TRIO: variants seen among roughly 807,000 people sequenced by gnomAD.
TRIO encodes the protein trio Rho guanine nucleotide exchange factor.
TRIO carries 58 observed loss-of-function variants against 351.9 expected under a neutral mutation model. The ratio of observed to expected loss-of-function variants is 0.16; its 90% CI spans 0.13 to 0.21. The LOEUF (loss-of-function observed/expected upper bound fraction) is 0.21, where lower values mean the gene tolerates loss of function less well. TRIO is among the 10% of genes least tolerant of loss of function. TRIO has a pLI of 1.00. For synonymous variants in TRIO, 1,758 were observed against 1,595.7 expected, an observed-to-expected ratio of 1.10 and a Z score of -2.42; for missense variants, 3,201 against 4,027.8, an observed-to-expected ratio of 0.79 and a Z score of 5.56.
intron 1 of TRIO, among the ~76,000 whole-genome samples, chr5:14,190,845 C>G (rs2152148646): frequency 6.6e-6 from 1 of 152,284 alleles, no homozygotes; most frequent in Non-Finnish European, 1.5e-5. Context: ...ACACACACCC[C>G]TTCATCTGAC....
intron 11 of TRIO, among the ~76,000 whole-genome samples, chr5:14,342,162 G>A (rs904124084): frequency 4.6e-5 from 7 of 151,568 alleles, no homozygotes; most frequent in Non-Finnish European, 1.0e-4. Flanking sequence ...CCGGGGGAGG[G>A]TTCCTGGGAA....
chr5:14,430,422 A>G (rs562605328), intron 34 of TRIO, among the ~76,000 whole-genome samples: 1 of 152,310 alleles, frequency 6.6e-6, no homozygotes, highest in East Asian at 1.9e-4. Context: ...GGGATTCTCC[A>G]CATAACAAAT....
At chr5:14,190,060 C>CTT (rs5866092) in intron 1 of TRIO, among the ~76,000 whole-genome samples, 8 of 151,788 alleles carry the variant, frequency 5.3e-5, no homozygotes, top group Non-Finnish European at 8.8e-5. Flanking sequence ...GACAGTTGAC[C>CTT]TTTTTTTAGT....
chr5:14,449,415 T>G (rs975951111), intron 34 of TRIO, among the ~76,000 whole-genome samples: 8 of 152,194 alleles, frequency 5.3e-5, no homozygotes, highest in Non-Finnish European at 1.0e-4. Flanking sequence ...TCTCTAGGGC[T>G]TCTCACTCTG....
chr5:14,494,849 A>G (rs1034086793), intron 49 of TRIO, among the ~76,000 whole-genome samples: 4 of 152,258 alleles, frequency 2.6e-5, no homozygotes, highest in Non-Finnish European at 5.9e-5. Flanking sequence ...CATAGAGCCT[A>G]GATCATGCCA....
intron 1 of TRIO, among the ~76,000 whole-genome samples, chr5:14,239,477 C>A (rs1322488498): frequency 6.6e-6 from 1 of 152,180 alleles, no homozygotes; most frequent in South Asian, 2.1e-4. Flanking sequence ...CCCACCCTCA[C>A]AAACCCCTAG....
At chr5:14,207,554 A>AGC (rs1192902138) in intron 1 of TRIO, among the ~76,000 whole-genome samples, 1 of 149,700 alleles carries the variant, frequency 6.7e-6, no homozygotes, top group African/African-American at 2.5e-5. Flanking sequence ...ACACACACAC[A>AGC]CACGGAGCCA....
intron 9 of TRIO, among the ~76,000 whole-genome samples, chr5:14,327,318 C>T (rs1008844333): frequency 6.6e-6 from 1 of 152,140 alleles, no homozygotes; most frequent in African/African-American, 2.4e-5. Context: ...GTGTACACCA[C>T]CACGCCCGGC....
At chr5:14,174,132 A>T (rs951816254) in intron 1 of TRIO, among the ~76,000 whole-genome samples, 3 of 152,212 alleles carry the variant, frequency 2.0e-5, no homozygotes, top group Non-Finnish European at 2.9e-5. Context: ...AATGAGCGCT[A>T]GTTGCCTTCC....
chr5:14,333,906 G>A (rs558312661), intron 10 of TRIO, among the ~76,000 whole-genome samples: 41 of 152,268 alleles, frequency 2.7e-4, no homozygotes, highest in Middle Eastern at 3.4e-3. Context: ...GAGATGCCTC[G>A]GGAACAGGAT....
intron 1 of TRIO, among the ~76,000 whole-genome samples, chr5:14,213,044 G>A (rs1211278757): frequency 6.6e-6 from 1 of 152,152 alleles, no homozygotes; most frequent in Non-Finnish European, 1.5e-5. Flanking sequence ...TACACTAGGG[G>A]AATTCAGAGC....
At chr5:14,348,827 TTATG>T (rs200534691) in intron 11 of TRIO, among the ~76,000 whole-genome samples, 1,559 of 132,804 alleles carry the variant, frequency 0.012, 19 homozygotes, top group African/African-American at 0.043. Flanking sequence ...TCCTGCGTGT[TTATG>T]TGTGTGTACG....
intron 8 of TRIO, among the ~76,000 whole-genome samples, chr5:14,308,090 A>T (rs1481219989): frequency 6.6e-6 from 1 of 152,096 alleles, no homozygotes; most frequent in Non-Finnish European, 1.5e-5. Flanking sequence ...ACTAAGTGGG[A>T]TGGTTCCTTA....
intron 49 of TRIO, 122 bp from the exon 50 acceptor site, chr5:14,496,746 CACAGTTCGTAG>C: frequency 8.5e-7 from 1 of 1,169,758 alleles, no homozygotes; most frequent in South Asian, 2.0e-5. Context: ...TAACAGAGGT[CACAGTTCGTAG>C]AGGATTTCCC....
At position 14,461,238 on chromosome 5, in the gene TRIO, A is replaced by G. The variant is rs1753779100; in HGVS notation, c.5423A>G (p.Lys1808Arg). 8 of 1,588,336 alleles carry G rather than the reference A, an allele frequency of 5.0e-6. No individual in the cohort carries two copies. Among genetic ancestry groups the G allele is most frequent in the Non-Finnish European group, 6.8e-6 (8 of 1,168,570 alleles). The change falls in exon 35 of 57, where the codon AAG becomes AGG. Residue 1808 changes from lysine to arginine, a missense_variant. Physicochemically the swap from Lys to Arg is conservative, Grantham distance 26. This residue lies in a region of TRIO where 193 missense variants were observed against 218.8 expected (regional missense o/e 0.88). Transcript: ENST00000344204. ...CACAAGAAGAGCCGCGAGGTCCGCA[A>G]GAGCGCCGACGCCGGCTCGCAGAAG... ...HKHKKSREVRKSADAGSQKDS... is the reference protein window; with the variant it reads ...HKHKKSREVRRSADAGSQKDS...
intron 9 of TRIO, among the ~76,000 whole-genome samples, chr5:14,319,213 G>A (rs1386878194): frequency 6.6e-6 from 1 of 152,170 alleles, no homozygotes; most frequent in Non-Finnish European, 1.5e-5. Context: ...ATATGGTCCT[G>A]TTAGCAATCT....
chr5:14,471,603 T>C (rs1754693875), intron 38 of TRIO, 137 bp downstream of exon 38: 7 of 1,162,628 alleles, frequency 6.0e-6, no homozygotes, highest in Admixed American at 2.5e-5. Flanking sequence ...TAACTGCACG[T>C]ATGTAAAAGA....
At chr5:14,192,200 G>A (rs1790500852) in intron 1 of TRIO, among the ~76,000 whole-genome samples, 1 of 152,020 alleles carries the variant, frequency 6.6e-6, no homozygotes, top group Admixed American at 6.6e-5. Flanking sequence ...TGGACGCCAA[G>A]GAGGTTTCCA....
At chr5:14,329,450 G>A (rs1490134987) in intron 9 of TRIO, among the ~76,000 whole-genome samples, 1 of 152,178 alleles carries the variant, frequency 6.6e-6, no homozygotes, top group East Asian at 1.9e-4. Context: ...TCCATGTGAG[G>A]ACACATAGAA....
Sources: gnomAD v4.1 joint callset for allele counts (sites outside exome capture counted in the v4.1 genomes callset) on GRCh38, gnomAD v4.1.1 for gene constraint, gnomAD v4.1.1 regional missense constraint, MANE v1.5 for transcripts, NCBI Gene and HGNC (gene_info 2026-07-23, HGNC 2026-07-21) for gene names.